The following TENM3 variants were observed in gnomAD, a reference collection of about 807,000 sequenced individuals.
TENM3 encodes the protein teneurin transmembrane protein 3.
Under a neutral mutation model 255.1 loss-of-function variants are expected in TENM3, and 63 were observed. That is an observed-to-expected ratio of 0.25 (90% CI 0.20 to 0.30). The LOEUF (loss-of-function observed/expected upper bound fraction) is 0.30, where lower values mean the gene tolerates loss of function less well. Ranked by LOEUF, TENM3 falls within the 10% of genes least tolerant of loss-of-function variation. The probability of loss-of-function intolerance (pLI) is 1.00; values close to 1 mark genes in which losing one functional copy is unlikely to be tolerated. For missense variants in TENM3, 2,929 were observed against 3,461.1 expected (o/e 0.85, Z 3.86); for synonymous variants, 1,306 against 1,322.3 (o/e 0.99, Z 0.27).
At chr4:182,101,189 AGGG>A in the TENM3 span, among the ~76,000 whole-genome samples, 18 of 21,066 alleles carry the variant, frequency 8.5e-4, 4 homozygotes, top group African/African-American at 2.1e-3. Flanking sequence ...GAAAGAAGGG[AGGG>A]AGGAAGGAAA....
intron 3 of TENM3, among the ~76,000 whole-genome samples, chr4:182,488,141 C>T (rs959105339): frequency 5.3e-5 from 8 of 152,110 alleles, no homozygotes; most frequent in Non-Finnish European, 1.0e-4. Context: ...ATGGGCAAGA[C>T]GGTGCTGACA....
intron 1 of TENM3, among the ~76,000 whole-genome samples, chr4:182,318,445 T>G: frequency 6.6e-6 from 1 of 152,192 alleles, no homozygotes; most frequent in Non-Finnish European, 1.5e-5. Flanking sequence ...ATGATGTCAT[T>G]ACATCATTAC....
At position 182,731,099 on chromosome 4, in the gene TENM3, G is replaced by A. The variant is rs373000419; in HGVS notation, c.2927G>A (p.Arg976Lys). Residue 976 changes from arginine (R) to lysine (K), a missense_variant, in exon 16 of 28, where the codon AGA becomes AAA. Physicochemically the swap from Arg to Lys is conservative, Grantham distance 26 (BLOSUM62 2). Transcript: ENST00000511685. ...TCATCACCTTTATCCACCTTTTTCA[G>A]ATCTTCTCCTGAAGACAGTCCCATC... Reference protein sequence around the residue: ...IVSSPLSTFFRSSPEDSPIIP... With the variant: ...IVSSPLSTFFKSSPEDSPIIP... 2.5e-6 allele frequency: 4 copies of A among 1,613,772 alleles called. No individual in the cohort carries two copies. In the African/African-American group the frequency reaches 5.3e-5, roughly 22 times the overall value.
intron 3 of TENM3, among the ~76,000 whole-genome samples, chr4:182,392,723 A>T (rs1469967943): frequency 1.3e-5 from 2 of 152,210 alleles, no homozygotes; most frequent in African/African-American, 4.8e-5. Flanking sequence ...GTAGAGAAAT[A>T]GAGGCAGGCT....
chr4:182,298,840 G>A (rs1042844064), intron 1 of TENM3, among the ~76,000 whole-genome samples: 1 of 151,484 alleles, frequency 6.6e-6, no homozygotes, highest in Non-Finnish European at 1.5e-5. Context: ...GGGCGTGATG[G>A]CGCCCACCTG....
chr4:182,651,066 G>A (rs937879140), intron 5 of TENM3, among the ~76,000 whole-genome samples: 5 of 151,962 alleles, frequency 3.3e-5, no homozygotes, highest in African/African-American at 1.2e-4. Context: ...GATAATGTGA[G>A]CAAATCTATC....
chr4:181,588,239 C>T, the TENM3 span, among the ~76,000 whole-genome samples: 20 of 152,242 alleles, frequency 1.3e-4, no homozygotes, highest in East Asian at 3.9e-4. Flanking sequence ...AATCCTTCTC[C>T]GCACATCAAA....
chr4:182,379,686 C>A (rs1767437179), intron 3 of TENM3, among the ~76,000 whole-genome samples: 1 of 152,108 alleles, frequency 6.6e-6, no homozygotes, highest in Non-Finnish European at 1.5e-5. Context: ...AAGGAGAGAT[C>A]TGTAAGACAT....
chr4:181,967,636 C>T, the TENM3 span, among the ~76,000 whole-genome samples: 7 of 152,180 alleles, frequency 4.6e-5, no homozygotes, highest in African/African-American at 1.2e-4. Flanking sequence ...GCCCTTGCTA[C>T]GGGCTGATGA....
chr4:181,638,353 A>G, the TENM3 span, among the ~76,000 whole-genome samples: 1 of 152,358 alleles, frequency 6.6e-6, no homozygotes, highest in Non-Finnish European at 1.5e-5. Flanking sequence ...ATGTACAGAT[A>G]AGGCCGTGAA....
chr4:181,621,088 A>G, the TENM3 span, among the ~76,000 whole-genome samples: 1 of 152,206 alleles, frequency 6.6e-6, no homozygotes, highest in Middle Eastern at 3.2e-3. Context: ...GCAAAGAAGA[A>G]AAAGGGAACC....
chr4:181,798,788 A>G, the TENM3 span, among the ~76,000 whole-genome samples: 2 of 152,226 alleles, frequency 1.3e-5, no homozygotes, highest in African/African-American at 4.8e-5. Flanking sequence ...TCCAGAGGCA[A>G]CAAATTAGAA....
At chr4:181,456,559 C>G in the TENM3 span, among the ~76,000 whole-genome samples, 6 of 151,866 alleles carry the variant, frequency 4.0e-5, no homozygotes, top group Non-Finnish European at 8.8e-5. Context: ...ATCAACTCTT[C>G]TATCATGATA....
At chr4:182,723,834 A>G (rs189470607) in intron 13 of TENM3, among the ~76,000 whole-genome samples, 71 of 152,252 alleles carry the variant, frequency 4.7e-4, no homozygotes, top group African/African-American at 1.6e-3. Flanking sequence ...ATTCATTGAC[A>G]TATTGAAGGC....
chr4:182,781,010 A>G (rs1282035506), intron 24 of TENM3, among the ~76,000 whole-genome samples: 1 of 151,162 alleles, frequency 6.6e-6, no homozygotes, highest in Non-Finnish European at 1.5e-5. Context: ...AAACAGGGAC[A>G]ATTTGACTTC....
chr4:181,721,929 T>C, the TENM3 span, among the ~76,000 whole-genome samples: 68 of 152,086 alleles, frequency 4.5e-4, no homozygotes, highest in South Asian at 0.013. Context: ...GTAGTGCCCG[T>C]GGGAGATGCA....
chr4:182,642,078 C>A (rs1703570282), intron 5 of TENM3, among the ~76,000 whole-genome samples: 1 of 152,132 alleles, frequency 6.6e-6, no homozygotes, highest in African/African-American at 2.4e-5. Flanking sequence ...GAAATAAGTC[C>A]TCTTACCATA....
the TENM3 span, among the ~76,000 whole-genome samples, chr4:181,546,812 T>C: frequency 3.9e-5 from 6 of 152,072 alleles, no homozygotes; most frequent in East Asian, 3.9e-4. Context: ...TTTTTCCCCA[T>C]GTCTCCAACC....
chr4:182,669,018 G>A (rs1754966309), intron 6 of TENM3, among the ~76,000 whole-genome samples: 1 of 152,146 alleles, frequency 6.6e-6, no homozygotes, highest in Admixed American at 6.5e-5. Flanking sequence ...GATAGTAGAT[G>A]AAACTTGTTA....
Sources: gnomAD v4.1 joint callset for allele counts (sites outside exome capture counted in the v4.1 genomes callset) on GRCh38, gnomAD v4.1.1 for gene constraint, MANE v1.5 for transcripts, NCBI Gene and HGNC (gene_info 2026-07-23, HGNC 2026-07-21) for gene names.